Variants in SMIM8 observed in about 807,000 individuals in gnomAD.
SMIM8 encodes the protein UPF0708 protein C6orf162.
SMIM8 carries 8 observed loss-of-function variants against 8.1 expected under a neutral mutation model. The ratio of observed to expected loss-of-function variants is 0.99; its 90% CI spans 0.58 to 1.78. The LOEUF is 1.78. Ranked by LOEUF, SMIM8 falls within the 40% of genes most tolerant of loss-of-function variation. The probability of loss-of-function intolerance (pLI) is 0.00; values close to 1 mark genes in which losing one functional copy is unlikely to be tolerated. For missense variants in SMIM8, 126 were observed against 119.8 expected (o/e 1.05, Z -0.24); for synonymous variants, 45 against 39.7 (o/e 1.13, Z -0.50).
chr6:87,339,436 T>TTGTGTG (rs150051963), intron 3 of SMIM8, among the ~76,000 whole-genome samples: 28 of 113,182 alleles, frequency 2.5e-4, no homozygotes, highest in Non-Finnish European at 1.5e-4. Flanking sequence ...GTGTGTGTGT[T>TTGTGTG]TGTGTGTGTG....
At chr6:87,325,662 G>A (rs1237524714) in intron 1 of SMIM8, among the ~76,000 whole-genome samples, 25 of 151,878 alleles carry the variant, frequency 1.6e-4, no homozygotes, top group African/African-American at 4.3e-4. Flanking sequence ...GCTGGATTCC[G>A]TTTGCCAGTA....
intron 2 of SMIM8, among the ~76,000 whole-genome samples, chr6:87,332,163 A>G (rs953461396): frequency 3.3e-5 from 5 of 152,062 alleles, no homozygotes; most frequent in Admixed American, 3.3e-4. Flanking sequence ...TAGTGTTAGA[A>G]TGCTATATAA....
intron 3 of SMIM8, among the ~76,000 whole-genome samples, chr6:87,339,392 C>A (rs986008286): frequency 7.2e-6 from 1 of 138,674 alleles, no homozygotes. Context: ...CTCTTAACCT[C>A]TTAACAACAA....
At chr6:87,332,505 TTAA>T (rs1229499316) in intron 2 of SMIM8, among the ~76,000 whole-genome samples, 19 of 145,912 alleles carry the variant, frequency 1.3e-4, no homozygotes, top group South Asian at 6.3e-4. Context: ...ACATTATTGT[TTAA>T]TATATAATTT....
In SMIM8 at chr6:87,340,361, T is replaced by C. The variant is rs1777201071; in HGVS notation, c.*87T>C. 7.8e-7 allele frequency: 1 copy of C among 1,288,098 alleles called. No individual in the cohort carries two copies. The highest frequency in any genetic ancestry group is 1.0e-6 in the Non-Finnish European group (1 of 990,166). 79.8% of individuals were successfully genotyped at this position (1,288,098 alleles called of 1,614,324 possible). On this transcript the variant is annotated 3_prime_UTR_variant, in exon 4 of 4. Transcript: ENST00000392863. ...TTGTGAGTGTACAGTATCATGTTTC[T>C]TGTTCTAGAACATGCTAATGAAGAG...
chr6:87,329,498 CTCCTGACCTCAAGTGA>C (rs60776882), intron 1 of SMIM8, among the ~76,000 whole-genome samples: 10,336 of 152,176 alleles, frequency 0.068, 715 homozygotes, highest in African/African-American at 0.18. Context: ...TAGTTTCAAA[CTCCTGACCTCAAGTGA>C]TCCTGACCTC....
At chr6:87,323,522 A>G (rs12194354) in intron 1 of SMIM8, among the ~76,000 whole-genome samples, 94,377 of 149,756 alleles carry the variant, frequency 0.63, 30,049 homozygotes, top group African/African-American at 0.71. Flanking sequence ...AGAATATGTG[A>G]TGTTTGCTTT....
At chr6:87,338,898 T>A (rs916267189) in intron 3 of SMIM8, among the ~76,000 whole-genome samples, 3 of 148,172 alleles carry the variant, frequency 2.0e-5, no homozygotes, top group African/African-American at 7.5e-5. Flanking sequence ...CTTTCCTGTA[T>A]TTAAAAGCTT....
intron 1 of SMIM8, among the ~76,000 whole-genome samples, chr6:87,328,122 T>G (rs1776880570): frequency 6.6e-6 from 1 of 152,222 alleles, no homozygotes; most frequent in Non-Finnish European, 1.5e-5. Flanking sequence ...CTTTAAGCAC[T>G]TCTCAGTATT....
chr6:87,323,861 C>G (rs1776744403), intron 1 of SMIM8, among the ~76,000 whole-genome samples: 2 of 152,136 alleles, frequency 1.3e-5, no homozygotes, highest in African/African-American at 4.8e-5. Flanking sequence ...CTGACTTCCA[C>G]AATGGTTGTA....
Position 87,341,394 on chromosome 6 carries a change from T to G in SMIM8, c.*1120T>G. 2.5e-6 allele frequency: 1 copy of G among 397,634 alleles called. No homozygotes were observed. Among genetic ancestry groups the G allele is most frequent in the East Asian group, 3.6e-5 (1 of 27,996 alleles). The allele number at this position is 397,634 out of a possible 1,614,324, so 24.6% of individuals were successfully genotyped here. On this transcript the variant is annotated 3_prime_UTR_variant, in exon 4 of 4. Coordinates refer to ENST00000392863, the MANE Select transcript of SMIM8 (RefSeq NM_001042493.3). ...TGTCCTGGCACCTGGCCCAGGGGCC[T>G]AGGACAGAGGTCAAGGCTAGGCCCC...
At position 87,342,291 on chromosome 6, in the gene SMIM8, A is replaced by G. The variant is rs868220599; in HGVS notation, c.*2017A>G. The G allele has an allele frequency of 6.6e-6, 1 of 152,234 alleles. No homozygotes were observed. The highest frequency in any genetic ancestry group is 2.4e-5 in the African/African-American group (1 of 41,454). 9.4% of individuals were successfully genotyped at this position (152,234 alleles called of 1,614,324 possible). ...CATCCTTTCTTTGTTGAATGAGGGT[A>G]TAACCATCAAAAATAAAATACCTTT... is the stretch of plus-strand genomic sequence containing the variant. On this transcript the variant is annotated 3_prime_UTR_variant, in exon 4 of 4. Transcript: ENST00000392863.
At chr6:87,323,714 G>A (rs911171445) in intron 1 of SMIM8, among the ~76,000 whole-genome samples, 8 of 152,164 alleles carry the variant, frequency 5.3e-5, no homozygotes, top group Admixed American at 2.6e-4. Flanking sequence ...TTGCTATTGT[G>A]AATAATGCCG....
At chr6:87,323,656 T>C (rs1776731809) in intron 1 of SMIM8, among the ~76,000 whole-genome samples, 1 of 152,162 alleles carries the variant, frequency 6.6e-6, no homozygotes, top group Admixed American at 6.5e-5. Flanking sequence ...TGCCACATTT[T>C]CTTAATCCAG....
chr6:87,336,419 T>C (rs1284684721), intron 2 of SMIM8, among the ~76,000 whole-genome samples: 1 of 152,208 alleles, frequency 6.6e-6, no homozygotes, highest in Non-Finnish European at 1.5e-5. Flanking sequence ...GGGCATAACC[T>C]ACCCAGAAAG....
At chr6:87,333,484 C>T (rs1168594165) in intron 2 of SMIM8, among the ~76,000 whole-genome samples, 2 of 152,160 alleles carry the variant, frequency 1.3e-5, no homozygotes, top group African/African-American at 4.8e-5. Flanking sequence ...TGGTGGCCAA[C>T]ATTTGTTACT....
At chr6:87,333,927 A>G (rs1024628868) in intron 2 of SMIM8, among the ~76,000 whole-genome samples, 1 of 152,184 alleles carries the variant, frequency 6.6e-6, no homozygotes, top group African/African-American at 2.4e-5. Context: ...CTCACGGTTC[A>G]GCAGGCTGTA....
rs199738541 is a variant in SMIM8 at position 87,340,310 on chromosome 6, G to A, written c.*36G>A. On this transcript the variant is annotated 3_prime_UTR_variant, in exon 4 of 4. Coordinates refer to ENST00000392863, the MANE Select transcript of SMIM8 (RefSeq NM_001042493.3). The stretch of plus-strand genomic sequence containing the variant: ...TAGTGCAGATGGACCTTTATTAAAG[G>A]TTCTGAAATCTTCAAATGAAAGACC... The A allele has an allele frequency of 2.7e-6, 4 of 1,504,582 alleles. No individual in the cohort carries two copies. Among genetic ancestry groups the A allele is most frequent in the Non-Finnish European group, 3.5e-6 (4 of 1,131,736 alleles). The allele number at this position is 1,504,582 out of a possible 1,614,324, so 93.2% of individuals were successfully genotyped here. A position where few individuals can be genotyped will look rare whatever the true frequency, so the allele number is the denominator to read the frequency against.
intron 1 of SMIM8, among the ~76,000 whole-genome samples, chr6:87,325,105 T>C (rs989703337): frequency 1.2e-4 from 18 of 152,274 alleles, no homozygotes; most frequent in African/African-American, 3.1e-4. Context: ...GTGATTTTTG[T>C]ACATTGATTT....
Sources: allele counts gnomAD v4.1 joint callset (sites outside exome capture counted in the v4.1 genomes callset), GRCh38; gene constraint gnomAD v4.1.1; transcripts MANE v1.5; gene names NCBI Gene and HGNC (gene_info 2026-07-23, HGNC 2026-07-21).